GREP1: variants seen among roughly 807,000 people sequenced by gnomAD.
GREP1 encodes the protein glycine-rich extracellular protein 1.
In GREP1 at chr16:3,000,292, GT is replaced by G; in HGVS notation, c.1268del (p.Leu423Ter). On this transcript the variant is annotated frameshift_variant and splice_region_variant, in exon 30 of 35. Coordinates refer to ENST00000573315, the Ensembl canonical transcript of GREP1. LOFTEE classifies it high-confidence loss of function. Reference sequence around the variant, plus strand: ...CTCCTCTCCAATCTCTGTCCTGCAGGTTTAGGTTATGGGAATGGTGTCCTGG... The same window carrying G: ...CTCCTCTCCAATCTCTGTCCTGCAGGTTAGGTTATGGGAATGGTGTCCTGG... The G allele has an allele frequency of 2.5e-6, 1 of 399,340 alleles. No homozygotes were observed. 24.7% of individuals were successfully genotyped at this position (399,340 alleles called of 1,614,324 possible).
At chr16:3,001,094 C>T (rs1365040645) in intron 33 of GREP1, among the ~76,000 whole-genome samples, 187 bp from the exon 28 acceptor site, 2 of 152,060 alleles carry the variant, frequency 1.3e-5, no homozygotes, top group Non-Finnish European at 2.9e-5. Flanking sequence ...GAGTTGGGAA[C>T]GAGGGCCATC....
chr16:2,989,407 G>C lies in GREP1; in HGVS notation c.101-116G>C. On this transcript the variant is annotated intron_variant, in intron 2 of 34. Transcript: ENST00000573315. This position sits in a 1 kb window ranked among gnomAD's most constrained non-coding sequence, Gnocchi z 4.2. ...CTTCCCCCTGAACCCCACAGGCTTA[G>C]GGAGCCCAAATGGCTACAGATCTGG... is the stretch of plus-strand genomic sequence containing the variant. 2 of 398,776 alleles carry C rather than the reference G, an allele frequency of 5.0e-6. No homozygotes were observed. Among genetic ancestry groups the C allele is most frequent in the East Asian group, 7.1e-5 (2 of 28,070 alleles). 24.7% of individuals were successfully genotyped at this position (398,776 alleles called of 1,614,324 possible).
chr16:2,998,591 G>A (rs2072440432), intron 25 of GREP1, 68 bp downstream of exon 23: 3 of 398,728 alleles, frequency 7.5e-6, no homozygotes, highest in East Asian at 3.6e-5. Flanking sequence ...GAAGACGGAG[G>A]GGCCTCCATC....
rs11860795 is a variant in GREP1, at chr16:2,989,030, A to G, written c.100+408A>G. 0.7 allele frequency: 171,605 copies of G among 246,014 alleles called. 60,758 individuals are homozygous for G. Among genetic ancestry groups the G allele is most frequent in the African/African-American group, 0.86 (38,787 of 44,954 alleles). The allele number at this position is 246,014 out of a possible 1,614,324, so 15.2% of individuals were successfully genotyped here. A position where few individuals can be genotyped will look rare whatever the true frequency, so the allele number is the denominator to read the frequency against. ...GGGACCTGGGGGGTCCTAAGGGTAGAAGGAGGGGCTGCCCCTGAGCCCTGA... is the reference window on the plus strand; with the variant it reads ...GGGACCTGGGGGGTCCTAAGGGTAGGAGGAGGGGCTGCCCCTGAGCCCTGA... On this transcript the variant is annotated intron_variant, in intron 2 of 34. Transcript: ENST00000573315. The surrounding 1 kb of genome is among the most constrained non-coding windows in gnomAD (Gnocchi z 4.2).
In GREP1 at chr16:2,997,095, G is replaced by T; in HGVS notation, c.886+10G>T. On this transcript the variant is annotated intron_variant, in intron 21 of 34. Coordinates refer to ENST00000573315, the Ensembl canonical transcript of GREP1. ...AAGGCCCAGAAGCCAGGTGAGCCCT[G>T]CCCCGCCTGTCCCTCTGCCTCCCCC... 2.5e-6 allele frequency: 1 copy of T among 398,886 alleles called. No homozygotes were observed. The highest frequency in any genetic ancestry group is 4.4e-6 in the Non-Finnish European group (1 of 226,048). 24.7% of individuals were successfully genotyped at this position (398,886 alleles called of 1,614,324 possible).
rs2151091034 is a variant in GREP1, at chr16:2,991,108, A to G, written c.322+7A>G. 1 of 399,108 alleles carries G rather than the reference A, an allele frequency of 2.5e-6. No individual in the cohort carries two copies. Among genetic ancestry groups the G allele is most frequent in the Non-Finnish European group, 4.4e-6 (1 of 226,248 alleles). 24.7% of individuals were successfully genotyped at this position (399,108 alleles called of 1,614,324 possible). On this transcript the variant is annotated splice_region_variant and intron_variant, in intron 8 of 34. Coordinates refer to ENST00000573315, the Ensembl canonical transcript of GREP1. This position sits in a 1 kb window ranked among gnomAD's most constrained non-coding sequence, Gnocchi z 4.9. ...GTGGCCGGAGCCCAGTCAGGTGAGG[A>G]AACGTCGGGTGTGGCAGGACCTGGG...
chr16:3,000,797 G>A, exon 33 of GREP1: 1 of 399,152 alleles, frequency 2.5e-6, no homozygotes, highest in Non-Finnish European at 4.4e-6. Context: ...TCAGGCTGGA[G>A]ATGAATATGC....
At chr16:2,990,762 G>T (rs890552839) in intron 7 of GREP1, among the ~76,000 whole-genome samples, 175 bp downstream of exon 6, 1 of 152,144 alleles carries the variant, frequency 6.6e-6, no homozygotes, top group African/African-American at 2.4e-5. Context: ...GGCAGGAGGG[G>T]ACGGTGAGGA....
chr16:2,999,926 G>T, exon 28 of GREP1: 1 of 399,104 alleles, frequency 2.5e-6, no homozygotes, highest in Non-Finnish European at 4.4e-6. Context: ...AATGGCTATG[G>T]ACCGGGAGCA....
chr16:2,992,795 C>T lies in GREP1; in HGVS notation c.323-10C>T, dbSNP rs2072405591. 1 of 399,026 alleles carries T rather than the reference C, an allele frequency of 2.5e-6. No homozygotes were observed. The highest frequency in any genetic ancestry group is 3.6e-5 in the East Asian group (1 of 28,088). 24.7% of individuals were successfully genotyped at this position (399,026 alleles called of 1,614,324 possible). On this transcript the variant is annotated splice_polypyrimidine_tract_variant and intron_variant, in intron 8 of 34. Transcript: ENST00000573315. This position sits in a 1 kb window ranked among gnomAD's most constrained non-coding sequence, Gnocchi z 4.9. Reference sequence around the variant, plus strand: ...CCACCTTCCACACTCCTGTGTCTGCCCTCAAACAGGTCCTGCCGCTCAAAA... The same window carrying T: ...CCACCTTCCACACTCCTGTGTCTGCTCTCAAACAGGTCCTGCCGCTCAAAA...
At chr16:3,000,973 A>G (rs557560452) in intron 33 of GREP1, 146 bp downstream of exon 27, 3 of 399,264 alleles carry the variant, frequency 7.5e-6, no homozygotes, top group Non-Finnish European at 1.3e-5. Context: ...AGAAGAGGCC[A>G]GGAGGGCATA....
rs9930961 is a variant in GREP1 at position 2,995,326 on chromosome 16, G to A, written c.517+10G>A. The stretch of plus-strand genomic sequence containing the variant: ...AAGGCACAGGAGCCAGGTAAGCCTG[G>A]CTCTCCCGGGCTTCTGTCTCCCCAG... On this transcript the variant is annotated intron_variant, in intron 14 of 34. Coordinates refer to ENST00000573315, the Ensembl canonical transcript of GREP1. 0.048 allele frequency: 19,236 copies of A among 398,790 alleles called. 1,329 individuals carry two copies. The highest frequency in any genetic ancestry group is 0.22 in the African/African-American group (10,675 of 48,590). The allele number at this position is 398,790 out of a possible 1,614,324, so 24.7% of individuals were successfully genotyped here. A position where few individuals can be genotyped will look rare whatever the true frequency, so the allele number is the denominator to read the frequency against.
At chr16:2,998,720 C>G (rs2072441492) in intron 25 of GREP1, 128 bp from the exon 24 acceptor site, 1 of 398,320 alleles carries the variant, frequency 2.5e-6, no homozygotes, top group African/African-American at 2.1e-5. Flanking sequence ...TAATGTCCCC[C>G]TAAGGTGCTG....
chr16:2,994,525 A>G, intron 10 of GREP1, 173 bp from the exon 12 acceptor site: 1 of 396,492 alleles, frequency 2.5e-6, no homozygotes, highest in East Asian at 3.6e-5. Context: ...AATAAAAAAA[A>G]GAGCTCAGAC....
Position 2,997,618 on chromosome 16 carries a change from C to T in GREP1, c.917-185C>T, listed in dbSNP as rs543390901. 4.6e-5 allele frequency among the ~76,000 whole-genome samples: 7 copies of T among 152,130 alleles called. No individual in the cohort carries two copies. The East Asian group carries it at 7.7e-4, about 17-fold the overall frequency. On this transcript the variant is annotated intron_variant, in intron 22 of 34. Transcript: ENST00000573315. ...AAATTGGGAGGAAAGGGGGGCCAGG[C>T]TCCAGCCCCCTTCTGTACCCCAACC...
chr16:2,993,024 T>C, intron 10 of GREP1, 61 bp downstream of exon 11: 1 of 398,510 alleles, frequency 2.5e-6, no homozygotes, highest in Non-Finnish European at 4.4e-6. Context: ...GCTGCTTCCC[T>C]AGAGTCCCTG....
At chr16:2,997,813 G>C (rs2072434237) in exon 23 of GREP1, 1 of 398,410 alleles carries the variant, frequency 2.5e-6, no homozygotes. Context: ...GTGCTGGAGA[G>C]GGCATGAAAC....
At chr16:3,000,895 C>A in intron 33 of GREP1, 68 bp downstream of exon 27, 1 of 398,144 alleles carries the variant, frequency 2.5e-6, no homozygotes, top group East Asian at 3.6e-5. Flanking sequence ...GGCCCTGGGC[C>A]CAGGTCTACC....
chr16:2,994,440 C>A (rs888900064), intron 10 of GREP1: 1 of 299,180 alleles, frequency 3.3e-6, no homozygotes, highest in Non-Finnish European at 6.1e-6. Context: ...ACCCGGGAGG[C>A]GGAGGTTGCA....
Sources: gnomAD v4.1 joint callset for allele counts (sites outside exome capture counted in the v4.1 genomes callset) on GRCh38, gnomAD v4.1.1 for gene constraint, Gnocchi (gnomAD v3.1) non-coding constraint, MANE v1.5 for transcripts, NCBI Gene and HGNC (gene_info 2026-07-23, HGNC 2026-07-21) for gene names.